Variants in GRIA1 observed in about 807,000 individuals in gnomAD.
The protein encoded by GRIA1 is glutamate ionotropic receptor AMPA type subunit 1.
Under a neutral mutation model 99.2 loss-of-function variants are expected in GRIA1, and 31 were observed. The ratio of observed to expected loss-of-function variants is 0.31; its 90% CI spans 0.23 to 0.42. The LOEUF is 0.42. Among genes scored for constraint, GRIA1 ranks in the 10% least tolerant of loss-of-function variants. The pLI is 1.00. For synonymous variants in GRIA1, 438 were observed against 432.4 expected, an observed-to-expected ratio of 1.01 and a Z score of -0.16; for missense variants, 782 against 1,157.5, an observed-to-expected ratio of 0.68 and a Z score of 4.71.
chr5:153,510,864 T>C (rs1310487363), intron 2 of GRIA1, among the ~76,000 whole-genome samples: 1 of 152,086 alleles, frequency 6.6e-6, no homozygotes, highest in Non-Finnish European at 1.5e-5. Flanking sequence ...TTTTAGGAGC[T>C]CATTTAGTCA....
intron 15 of GRIA1, among the ~76,000 whole-genome samples, chr5:153,808,339 G>A (rs1766578525): frequency 6.6e-6 from 1 of 152,072 alleles, no homozygotes; most frequent in Non-Finnish European, 1.5e-5. Flanking sequence ...CATTCCCAAA[G>A]GCTAGGGGAG....
At chr5:153,533,133 G>A (rs76380347) in intron 2 of GRIA1, among the ~76,000 whole-genome samples, 3,131 of 152,248 alleles carry the variant, frequency 0.021, 107 homozygotes, top group African/African-American at 0.07. Flanking sequence ...TGTCTGAGCT[G>A]ACCTTAAAGA....
intron 5 of GRIA1, among the ~76,000 whole-genome samples, chr5:153,659,718 G>C (rs907894264): frequency 6.6e-6 from 1 of 152,152 alleles, no homozygotes; most frequent in Non-Finnish European, 1.5e-5. Flanking sequence ...AAACCATGGA[G>C]TAAATGGTCA....
intron 11 of GRIA1, among the ~76,000 whole-genome samples, chr5:153,756,085 G>A (rs1343668225): frequency 6.6e-6 from 1 of 152,220 alleles, no homozygotes; most frequent in Non-Finnish European, 1.5e-5. Flanking sequence ...AAGTTATCTG[G>A]CAGTTTGGCT....
chr5:153,500,294 G>A (rs751158369), intron 2 of GRIA1, among the ~76,000 whole-genome samples: 4 of 149,504 alleles, frequency 2.7e-5, no homozygotes, highest in East Asian at 2.0e-4. Flanking sequence ...TCATTCATCC[G>A]AAACCCTTTT....
intron 9 of GRIA1, among the ~76,000 whole-genome samples, chr5:153,698,654 A>C (rs980836514): frequency 3.9e-5 from 6 of 152,232 alleles, no homozygotes; most frequent in African/African-American, 1.4e-4. Context: ...GCCATATCTC[A>C]GTGATAAAAC....
At chr5:153,765,896 T>A (rs1385620751) in intron 12 of GRIA1, among the ~76,000 whole-genome samples, 1 of 152,156 alleles carries the variant, frequency 6.6e-6, no homozygotes, top group Non-Finnish European at 1.5e-5. Flanking sequence ...ATTAAAAGAA[T>A]CACCTAAGAT....
At chr5:153,538,753 A>T (rs1367725486) in intron 2 of GRIA1, among the ~76,000 whole-genome samples, 2 of 152,170 alleles carry the variant, frequency 1.3e-5, no homozygotes, top group Admixed American at 6.5e-5. Context: ...CCCTCTAATT[A>T]GGTCTTTACC....
intron 11 of GRIA1, among the ~76,000 whole-genome samples, chr5:153,724,410 G>A (rs962799156): frequency 1.3e-5 from 2 of 152,194 alleles, no homozygotes; most frequent in African/African-American, 2.4e-5. Flanking sequence ...TGACTTTGAC[G>A]AGTTGAGAGA....
intron 2 of GRIA1, among the ~76,000 whole-genome samples, chr5:153,608,966 A>G (rs1170223202): frequency 1.3e-5 from 2 of 152,206 alleles, no homozygotes; most frequent in African/African-American, 2.4e-5. Context: ...TTGAAGCTAC[A>G]CTGCAACCCT....
intron 5 of GRIA1, among the ~76,000 whole-genome samples, chr5:153,665,487 T>C (rs145553346): frequency 4.6e-5 from 7 of 152,298 alleles, no homozygotes; most frequent in African/African-American, 1.4e-4. Context: ...AGAGATTATA[T>C]AGGGAGAGGA....
At chr5:153,788,468 C>T (rs1309228481) in intron 13 of GRIA1, among the ~76,000 whole-genome samples, 1 of 152,172 alleles carries the variant, frequency 6.6e-6, no homozygotes, top group Non-Finnish European at 1.5e-5. Context: ...GAATAAAATG[C>T]TCAATCCTGG....
intron 2 of GRIA1, among the ~76,000 whole-genome samples, chr5:153,533,404 A>G (rs1312841827): frequency 6.6e-6 from 1 of 152,062 alleles, no homozygotes; most frequent in Non-Finnish European, 1.5e-5. Context: ...GAGGGAGGAC[A>G]AATCTTGGAA....
intron 2 of GRIA1, among the ~76,000 whole-genome samples, chr5:153,586,132 G>T (rs1581271495): frequency 6.6e-6 from 1 of 152,266 alleles, no homozygotes; most frequent in East Asian, 1.9e-4. Flanking sequence ...CACCAGCTCT[G>T]ACATACTTCT....
At chr5:153,606,806 G>A (rs1765476151) in intron 2 of GRIA1, among the ~76,000 whole-genome samples, 1 of 151,372 alleles carries the variant, frequency 6.6e-6, no homozygotes, top group Non-Finnish European at 1.5e-5. Flanking sequence ...TCATTTATGG[G>A]TAATGAGAGT....
chr5:153,758,618 A>G (rs6886353), intron 11 of GRIA1, among the ~76,000 whole-genome samples: 30 of 152,104 alleles, frequency 2.0e-4, no homozygotes, highest in African/African-American at 7.2e-4. Context: ...TAATAGGAGA[A>G]ACTTCAACAC....
chr5:153,546,788 G>C (rs1202212908), intron 2 of GRIA1, among the ~76,000 whole-genome samples: 1 of 152,172 alleles, frequency 6.6e-6, no homozygotes, highest in Non-Finnish European at 1.5e-5. Flanking sequence ...TTAATGTGAA[G>C]AACCAGCACT....
chr5:153,614,948 C>T (rs927769863), intron 2 of GRIA1, among the ~76,000 whole-genome samples: 6 of 152,208 alleles, frequency 3.9e-5, no homozygotes, highest in Non-Finnish European at 5.9e-5. Flanking sequence ...GAATCAGATT[C>T]TCCAGAAACA....
chr5:153,705,662 A>ATTTTTTTTTTT lies in GRIA1; in HGVS notation c.1453-14_1453-4dup, dbSNP rs70978505. 133 of 752,694 alleles carry ATTTTTTTTTTT rather than the reference A, an allele frequency of 1.8e-4. 5 individuals are homozygous for ATTTTTTTTTTT. Among genetic ancestry groups the ATTTTTTTTTTT allele is most frequent in the African/African-American group, 2.6e-4 (6 of 23,274 alleles). The allele number at this position is 752,694 out of a possible 1,614,324, so 46.6% of individuals were successfully genotyped here. A position where few individuals can be genotyped will look rare whatever the true frequency, so the allele number is the denominator to read the frequency against. ...GAAAAGGGCTGCTGAGCTCACCTGC[A>ATTTTTTTTTTT]TTTTTTTTTTTTTTTTTTTTTTTTT... is the stretch of plus-strand genomic sequence containing the variant. On this transcript the variant is annotated intron_variant, in intron 10 of 15. Coordinates refer to ENST00000285900, the MANE Select transcript of GRIA1 (RefSeq NM_000827.4).
Sources: gnomAD v4.1 joint callset for allele counts (sites outside exome capture counted in the v4.1 genomes callset) on GRCh38, gnomAD v4.1.1 for gene constraint, MANE v1.5 for transcripts, NCBI Gene and HGNC (gene_info 2026-07-23, HGNC 2026-07-21) for gene names.